EMC3: variants seen among roughly 807,000 people sequenced by gnomAD.
EMC3 encodes 30 kDa protein.
Under a neutral mutation model 36.6 loss-of-function variants are expected in EMC3, and 13 were observed. The observed-to-expected ratio is 0.35, with a 90% CI of 0.23 to 0.56. The LOEUF (loss-of-function observed/expected upper bound fraction) is 0.56. Ranked by LOEUF, EMC3 falls within the 20% of genes least tolerant of loss-of-function variation. EMC3 has a pLI of 0.84. For missense variants in EMC3, 220 were observed against 324.5 expected (o/e 0.68, Z 2.47); for synonymous variants, 120 against 111.9 (o/e 1.07, Z -0.46).
intron 1 of EMC3, among the ~76,000 whole-genome samples, chr3:9,992,357 C>T (rs1027511409): frequency 2.0e-5 from 3 of 152,056 alleles, no homozygotes; most frequent in Non-Finnish European, 4.4e-5. Flanking sequence ...AACTCCTAAC[C>T]TCAGGTGATA....
intron 1 of EMC3, chr3:10,004,484 C>T (rs971516612): frequency 2.0e-5 from 3 of 152,320 alleles, no homozygotes; most frequent in Non-Finnish European, 4.4e-5. Flanking sequence ...TATCAGACCA[C>T]AGACCCTTCC....
chr3:9,986,235 A>C (rs1243095160), intron 1 of EMC3, among the ~76,000 whole-genome samples: 1 of 152,198 alleles, frequency 6.6e-6, no homozygotes, highest in Non-Finnish European at 1.5e-5. Context: ...CTAAAGGATT[A>C]ACAGTACTGT....
In EMC3 at chr3:9,992,857, A is replaced by T. The variant is rs191207793; in HGVS notation, c.-241-5955T>A. On this transcript the variant is annotated intron_variant, in intron 1 of 8. Transcript: ENST00000470827. The stretch of plus-strand genomic sequence containing the variant: ...GTACTGATTGGTTAACTGTTTTTCT[A>T]TTATTGCATATTTATTGACCTGGTG... The T allele has an allele frequency of 3.6e-6, 5 of 1,401,660 alleles. No individual in the cohort carries two copies. The South Asian group carries it at 5.8e-5, about 16-fold the overall frequency. 86.8% of individuals were successfully genotyped at this position (1,401,660 alleles called of 1,614,324 possible).
intron 1 of EMC3, chr3:10,003,328 T>C (rs1280469303): frequency 2.5e-6 from 1 of 401,940 alleles, no homozygotes; most frequent in Non-Finnish European, 5.0e-6. Context: ...GCACTTCCAT[T>C]GTATTAAAAT....
intron 6 of EMC3, among the ~76,000 whole-genome samples, chr3:9,970,259 G>A (rs1343929961): frequency 4.6e-5 from 7 of 152,200 alleles, no homozygotes; most frequent in Non-Finnish European, 8.8e-5. Context: ...ACTGGCAAGG[G>A]CTCTAGTCAA....
At chr3:9,987,792 G>T, upstream of EMC3, 1 of 502,366 alleles carries the variant, frequency 2.0e-6, no homozygotes. Flanking sequence ...AATGTCCAAC[G>T]TTTAAAATTT....
At chr3:9,965,689 C>G (rs2085730774) in intron 7 of EMC3, among the ~76,000 whole-genome samples, 1 of 152,162 alleles carries the variant, frequency 6.6e-6, no homozygotes, top group Admixed American at 6.5e-5. Flanking sequence ...CCCACAACCT[C>G]TGGCAACTAC....
chr3:9,982,444 G>A (rs2085922046), intron 1 of EMC3, among the ~76,000 whole-genome samples: 1 of 151,852 alleles, frequency 6.6e-6, no homozygotes, highest in African/African-American at 2.4e-5. Context: ...TAGTAGAGAC[G>A]GGGTTTCACC....
chr3:9,972,356 T>C (rs1305209888), intron 5 of EMC3, among the ~76,000 whole-genome samples: 1 of 151,580 alleles, frequency 6.6e-6, no homozygotes, highest in African/African-American at 2.4e-5. Context: ...CCTGCATTCT[T>C]AAGCCCCCAA....
chr3:9,969,860 A>G, intron 6 of EMC3, 59 bp from the exon 7 acceptor site: 7 of 1,596,864 alleles, frequency 4.4e-6, no homozygotes, highest in Non-Finnish European at 6.0e-6. Flanking sequence ...CCAGCACCCA[A>G]GGGGAAGAAT....
chr3:10,004,542 C>T (rs1191702192), intron 1 of EMC3: 1 of 152,320 alleles, frequency 6.6e-6, no homozygotes, highest in Non-Finnish European at 1.5e-5. Context: ...TCCACCTTCC[C>T]TCTTTCACTG....
At chr3:9,996,549 A>T (rs2086127521) in intron 1 of EMC3, among the ~76,000 whole-genome samples, 1 of 152,202 alleles carries the variant, frequency 6.6e-6, no homozygotes, top group African/African-American at 2.4e-5. Flanking sequence ...GCAGTAATTC[A>T]TACTGGACTG....
chr3:9,980,751 C>A (rs866495526), intron 1 of EMC3, among the ~76,000 whole-genome samples: 3 of 152,140 alleles, frequency 2.0e-5, no homozygotes, highest in Middle Eastern at 3.4e-3. Context: ...CCTGGCACAT[C>A]CTAAGCACTA....
At chr3:9,986,905 G>A, upstream of EMC3, 2 of 1,309,090 alleles carry the variant, frequency 1.5e-6, no homozygotes, top group Non-Finnish European at 2.0e-6. Context: ...CGTCGGGCCT[G>A]GCGGGAAAGT....
At chr3:9,967,329 A>AT (rs142622300) in intron 7 of EMC3, among the ~76,000 whole-genome samples, 8 of 92,478 alleles carry the variant, frequency 8.7e-5, no homozygotes, top group South Asian at 2.8e-4. Flanking sequence ...TTTGAACCTA[A>AT]TTTTTTTTTT....
Position 9,963,478 on chromosome 3 carries a change from T to TG in EMC3, c.*590_*591insC, listed in dbSNP as rs1553602260. 2.9e-5 allele frequency: 1 copy of TG among 34,552 alleles called. No homozygotes were observed. The highest frequency in any genetic ancestry group is 2.3e-4 in the Admixed American group (1 of 4,400). 2.1% of individuals were successfully genotyped at this position (34,552 alleles called of 1,614,324 possible). A position where few individuals can be genotyped will look rare whatever the true frequency, so the allele number is the denominator to read the frequency against. On this transcript the variant is annotated 3_prime_UTR_variant, in exon 8 of 8. Coordinates refer to ENST00000245046, the MANE Select transcript of EMC3 (RefSeq NM_001394674.1). The stretch of plus-strand genomic sequence containing the variant: ...AGATATATATATATATATATATATA[T>TG]TTTTTTTTTTTTTTCAGATGGAGTT...
At chr3:9,977,284 A>T in intron 2 of EMC3, 105 bp downstream of exon 2, 2 of 1,077,578 alleles carry the variant, frequency 1.9e-6, no homozygotes, top group Non-Finnish European at 2.7e-6. Flanking sequence ...CTTAATTACT[A>T]AGTTGCCAAC....
chr3:9,971,970 T>C (rs928055061), intron 5 of EMC3, among the ~76,000 whole-genome samples: 11 of 152,218 alleles, frequency 7.2e-5, no homozygotes, highest in Non-Finnish European at 1.5e-4. Context: ...GTAGCAGTAT[T>C]TTCTAAGAGC....
chr3:9,965,874 A>G (rs1470210535), intron 7 of EMC3, among the ~76,000 whole-genome samples: 1 of 152,218 alleles, frequency 6.6e-6, no homozygotes, highest in Non-Finnish European at 1.5e-5. Context: ...CATACAATGT[A>G]CATTATATTC....
Sources: allele counts gnomAD v4.1 joint callset (sites outside exome capture counted in the v4.1 genomes callset), GRCh38; gene constraint gnomAD v4.1.1; transcripts MANE v1.5; gene names NCBI Gene and HGNC (gene_info 2026-07-23, HGNC 2026-07-21).